Variants in BBS7 observed in about 807,000 individuals in gnomAD.
The protein encoded by BBS7 is BBSome complex member BBS7.
BBS7 carries 50 observed loss-of-function variants against 90.3 expected under a neutral mutation model. That is an observed-to-expected ratio of 0.55 (90% CI 0.44 to 0.70). The LOEUF is 0.70. BBS7 is among the 30% of genes least tolerant of loss of function. BBS7 has a pLI of 0.00. For synonymous variants in BBS7, 235 were observed against 287.4 expected (o/e 0.82, Z 1.85); for missense variants, 729 against 838.9 (o/e 0.87, Z 1.62).
chr4:121,842,845 G>A (rs1725813485), intron 12 of BBS7, among the ~76,000 whole-genome samples: 1 of 152,096 alleles, frequency 6.6e-6, no homozygotes, highest in Non-Finnish European at 1.5e-5. Flanking sequence ...CTAGCTCTGA[G>A]ACTGCTTATC....
chr4:121,846,716 C>T (rs1726029626), intron 10 of BBS7, among the ~76,000 whole-genome samples: 1 of 152,154 alleles, frequency 6.6e-6, no homozygotes. Flanking sequence ...GGTGAAACGG[C>T]TTGTGCTACT....
intron 8 of BBS7, among the ~76,000 whole-genome samples, chr4:121,852,643 C>A (rs1385045072): frequency 6.6e-6 from 1 of 151,644 alleles, no homozygotes; most frequent in African/African-American, 2.4e-5. Flanking sequence ...TTATATTAAC[C>A]AAACATATAA....
Position 121,858,369 on chromosome 4 carries a change from A to AGT in BBS7, c.528+621_528+622dup, listed in dbSNP as rs56144001. On this transcript the variant is annotated intron_variant, in intron 5 of 18. Coordinates refer to ENST00000264499, the MANE Select transcript of BBS7 (RefSeq NM_176824.3). ...AAACATTATTTTAAGCATCCTATAG[A>AGT]GTGTGTGTGTGTGTGTGTGTGCATA... 3.6e-3 allele frequency among the ~76,000 whole-genome samples: 537 copies of AGT among 150,488 alleles called. 2 individuals carry two copies. Among genetic ancestry groups the AGT allele is most frequent in the African/African-American group, 0.012 (480 of 40,890 alleles).
intron 10 of BBS7, among the ~76,000 whole-genome samples, chr4:121,846,281 T>A (rs1726008413): frequency 6.6e-6 from 1 of 152,040 alleles, no homozygotes; most frequent in East Asian, 1.9e-4. Flanking sequence ...AGAGCTCCAG[T>A]TAAGGGGAAG....
intron 15 of BBS7, 58 bp downstream of exon 15, chr4:121,833,173 C>T: frequency 6.5e-7 from 1 of 1,546,396 alleles, no homozygotes; most frequent in Non-Finnish European, 8.9e-7. Context: ...TAAAGGAAAA[C>T]TTAGAAGCTA....
chr4:121,825,836 T>C lies in BBS7; in HGVS notation c.*24A>G. 1 of 1,611,054 alleles carries C rather than the reference T, an allele frequency of 6.2e-7. No individual in the cohort carries two copies. Among genetic ancestry groups the C allele is most frequent in the Non-Finnish European group, 8.5e-7 (1 of 1,178,462 alleles). ...TTTTTCATTTAAACAGACCACTTCTTTGGGACTTTACCTTATTTGTATGTC... is the reference window on the plus strand; with the variant it reads ...TTTTTCATTTAAACAGACCACTTCTCTGGGACTTTACCTTATTTGTATGTC... On this transcript the variant is annotated 3_prime_UTR_variant, in exon 19 of 19. Coordinates refer to ENST00000264499, the MANE Select transcript of BBS7 (RefSeq NM_176824.3).
At chr4:121,850,290 A>G (rs1006124078) in intron 8 of BBS7, among the ~76,000 whole-genome samples, 7 of 151,832 alleles carry the variant, frequency 4.6e-5, no homozygotes, top group African/African-American at 1.7e-4. Context: ...TTGGCCTTCC[A>G]AGTAGCTGGG....
At chr4:121,858,855 C>T in intron 5 of BBS7, 137 bp downstream of exon 5, 3 of 807,570 alleles carry the variant, frequency 3.7e-6, no homozygotes, top group Non-Finnish European at 5.7e-6. Context: ...ATTAATATGT[C>T]AAATTATTTA....
chr4:121,835,046 T>C, intron 14 of BBS7, 98 bp downstream of exon 14: 1 of 1,236,648 alleles, frequency 8.1e-7, no homozygotes, highest in African/African-American at 1.5e-5. Flanking sequence ...TTTTTAAAAG[T>C]AGAAATTGCT....
At chr4:121,832,322 A>AAAAC (rs552986607) in intron 15 of BBS7, among the ~76,000 whole-genome samples, 2 of 152,184 alleles carry the variant, frequency 1.3e-5, no homozygotes, top group Non-Finnish European at 2.9e-5. Context: ...ATCCTGTCTC[A>AAAAC]AAACAAACAA....
At position 121,845,609 on chromosome 4, in the gene BBS7, T is replaced by C. The variant is rs931721701; in HGVS notation, c.1125A>G (p.Ala375=). 6 of 1,612,842 alleles carry C rather than the reference T, an allele frequency of 3.7e-6. No homozygotes were observed. The highest frequency in any genetic ancestry group is 5.1e-6 in the Non-Finnish European group (6 of 1,179,048). ...QSSQSSKAKS[A]VPSFGINDKF... ...TATCATTTATACCAAAGGAAGGTAC[T>C]GCTGATTTTGCTTTGCTTGATTGAG... Residue 375 remains alanine, a synonymous_variant, in exon 11 of 19, where the codon GCA becomes GCG. Coordinates refer to ENST00000264499, the MANE Select transcript of BBS7 (RefSeq NM_176824.3).
chr4:121,865,872 T>C (rs550103690), intron 2 of BBS7, among the ~76,000 whole-genome samples: 2 of 152,336 alleles, frequency 1.3e-5, no homozygotes, highest in African/African-American at 4.8e-5. Flanking sequence ...GTATTTGTTG[T>C]TTTTTGGTTT....
chr4:121,862,160 C>A (rs1252960478), intron 3 of BBS7, among the ~76,000 whole-genome samples: 2 of 152,140 alleles, frequency 1.3e-5, no homozygotes, highest in South Asian at 4.1e-4. Context: ...TAAAACTAAT[C>A]TTTCCTGGCT....
At chr4:121,842,533 G>A (rs1292451458) in intron 12 of BBS7, among the ~76,000 whole-genome samples, 3 of 151,472 alleles carry the variant, frequency 2.0e-5, no homozygotes, top group Non-Finnish European at 2.9e-5. Flanking sequence ...TACTTGGAAG[G>A]CTGAGGTGGG....
rs774976887 is a variant in BBS7, at chr4:121,853,053, C to T, written c.752G>A (p.Gly251Asp). 1.2e-6 allele frequency: 2 copies of T among 1,613,634 alleles called. No individual in the cohort carries two copies. The highest frequency in any genetic ancestry group is 2.2e-5 in the South Asian group (2 of 91,054). The change falls in exon 8 of 19, where the codon GGT becomes GAT. Residue 251 changes from glycine to aspartate, a missense_variant. Transcript: ENST00000264499. ...AACAAGTAAATCTTTAACCCCATCACCCACAATGTCAAAGCTGTCAATACA... is the reference window on the plus strand; with the variant it reads ...AACAAGTAAATCTTTAACCCCATCATCCACAATGTCAAAGCTGTCAATACA... ...ILCIDSFDIV[G>D]DGVKDLLVGR...
intron 11 of BBS7, among the ~76,000 whole-genome samples, chr4:121,844,627 C>T (rs919296682): frequency 2.6e-5 from 4 of 151,862 alleles, no homozygotes; most frequent in African/African-American, 9.7e-5. Context: ...TGGTTTACTA[C>T]CTTTTGTTTG....
chr4:121,845,565 T>A lies in BBS7; in HGVS notation c.1169A>T (p.Asp390Val). Reference protein sequence around the residue: ...GINDKFTLNKDDASYSLILEV... With the variant: ...GINDKFTLNKVDASYSLILEV... The stretch of plus-strand genomic sequence containing the variant: ...TAAGATAAGGCTGTAACTGGCATCA[T>A]CTTTATTTAGTGTAAATTTATCATT... Residue 390 changes from aspartate (D) to valine (V), a missense_variant, in exon 11 of 19, where the codon GAT becomes GTT. By Grantham distance (152) the Asp-to-Val change is radical (BLOSUM62 -3). Transcript: ENST00000264499. 2 of 1,613,220 alleles carry A rather than the reference T, an allele frequency of 1.2e-6. No individual in the cohort carries two copies. Among genetic ancestry groups the A allele is most frequent in the Non-Finnish European group, 1.7e-6 (2 of 1,179,558 alleles).
rs746533877 is a variant in BBS7 at position 121,858,995 on chromosome 4, T to G, written c.525A>C (p.Leu175Phe). Residue 175 changes from leucine to phenylalanine, a missense_variant, in exon 5 of 19, where the codon TTA (leucine) becomes TTC (phenylalanine). By Grantham distance (22) the Leu-to-Phe change is conservative (BLOSUM62 0). Transcript: ENST00000264499. ...LACQDRVLRVLQGSDVMYAVE... is the reference protein window; with the variant it reads ...LACQDRVLRVFQGSDVMYAVE... ...GAAAAATACAAATAACAGCAACCTG[T>G]AAAACTCTGAGCACTCTGTCCTGGC... 3 of 1,613,232 alleles carry G rather than the reference T, an allele frequency of 1.9e-6. No homozygotes were observed. Among genetic ancestry groups the G allele is most frequent in the Admixed American group, 1.7e-5 (1 of 59,982 alleles).
rs1400181339 is a variant in BBS7 at position 121,863,080 on chromosome 4, A to G, written c.165+137T>C. 5.1e-6 allele frequency: 4 copies of G among 790,000 alleles called. No individual in the cohort carries two copies. In the African/African-American group the frequency reaches 6.9e-5, roughly 14 times the overall value. The allele number at this position is 790,000 out of a possible 1,614,324, so 48.9% of individuals were successfully genotyped here. A position where few individuals can be genotyped will look rare whatever the true frequency, so the allele number is the denominator to read the frequency against. On this transcript the variant is annotated intron_variant, in intron 3 of 18. Transcript: ENST00000264499. ...TTACTTTTGTGCTACCCGCAGACTCATATCTCACATAACTACTTACCTCAG... is the reference window on the plus strand; with the variant it reads ...TTACTTTTGTGCTACCCGCAGACTCGTATCTCACATAACTACTTACCTCAG...
Sources: gnomAD v4.1 joint callset for allele counts (sites outside exome capture counted in the v4.1 genomes callset) on GRCh38, gnomAD v4.1.1 for gene constraint, MANE v1.5 for transcripts, NCBI Gene and HGNC (gene_info 2026-07-23, HGNC 2026-07-21) for gene names.